PCTP: variants seen among roughly 807,000 people sequenced by gnomAD.
PCTP encodes the protein phosphatidylcholine transfer protein.
PCTP carries 27 observed loss-of-function variants against 31.0 expected under a neutral mutation model. That is an observed-to-expected ratio of 0.87 (90% CI 0.64 to 1.20). The LOEUF (loss-of-function observed/expected upper bound fraction) is 1.20. Among genes scored for constraint, PCTP ranks in the 50% most tolerant of loss-of-function variants. The pLI is 0.00. For missense variants in PCTP, 287 were observed against 268.2 expected (o/e 1.07, Z -0.49); for synonymous variants, 108 against 101.2 (o/e 1.07, Z -0.40).
At chr17:55,761,329 CA>C (rs564890644) in intron 1 of PCTP, among the ~76,000 whole-genome samples, 104 of 152,106 alleles carry the variant, frequency 6.8e-4, no homozygotes, top group Admixed American at 9.8e-4. Flanking sequence ...AAAACTCCTT[CA>C]AATACAAAAT....
chr17:55,839,919 C>CAAAAAAAAAAA (rs57402824), intron 5 of PCTP, among the ~76,000 whole-genome samples: 310 of 12,486 alleles, frequency 0.025, 13 homozygotes, highest in Non-Finnish European at 0.038. Context: ...GACTCAGTCT[C>CAAAAAAAAAAA]AAAAAAAAAA....
chr17:55,837,662 A>C (rs1598024409), intron 5 of PCTP, among the ~76,000 whole-genome samples: 3 of 152,096 alleles, frequency 2.0e-5, no homozygotes, highest in Admixed American at 2.0e-4. Context: ...TCCTTTGCCA[A>C]AATTGTCTAT....
intron 3 of PCTP, among the ~76,000 whole-genome samples, chr17:55,815,637 T>G (rs1353117341): frequency 6.6e-6 from 1 of 152,194 alleles, no homozygotes; most frequent in African/African-American, 2.4e-5. Context: ...GAAGGTACAG[T>G]AACAGGCAGC....
chr17:55,785,674 A>G (rs1911724115), intron 2 of PCTP, among the ~76,000 whole-genome samples: 1 of 152,240 alleles, frequency 6.6e-6, no homozygotes, highest in South Asian at 2.1e-4. Flanking sequence ...ATCACTACCT[A>G]CATTTATATC....
At chr17:55,836,661 T>C (rs567695432) in intron 5 of PCTP, among the ~76,000 whole-genome samples, 30 of 152,340 alleles carry the variant, frequency 2.0e-4, no homozygotes, top group Admixed American at 6.5e-4. Context: ...TTTGAATATA[T>C]GTTAGCTTCA....
At chr17:55,806,847 A>G (rs1912596434) in intron 3 of PCTP, among the ~76,000 whole-genome samples, 1 of 152,174 alleles carries the variant, frequency 6.6e-6, no homozygotes, top group African/African-American at 2.4e-5. Context: ...CAGCTTCATC[A>G]TGAAAAAGAG....
intron 3 of PCTP, among the ~76,000 whole-genome samples, chr17:55,814,818 G>A (rs1478130103): frequency 6.6e-6 from 1 of 152,182 alleles, no homozygotes; most frequent in Non-Finnish European, 1.5e-5. Context: ...ACTCCTGTGT[G>A]GAACTAGCAG....
intron 3 of PCTP, among the ~76,000 whole-genome samples, chr17:55,795,050 A>G (rs1912138837): frequency 6.6e-6 from 1 of 152,176 alleles, no homozygotes; most frequent in African/African-American, 2.4e-5. Context: ...AATTCCACAC[A>G]CATACACACA....
chr17:55,817,986 A>G (rs950916919), intron 3 of PCTP, among the ~76,000 whole-genome samples: 1 of 151,948 alleles, frequency 6.6e-6, no homozygotes, highest in Non-Finnish European at 1.5e-5. Context: ...CATAGGGGAG[A>G]GGGAGAGGGA....
At chr17:55,845,887 G>GGTGTGTGTGTGTGTGTGTGTGTGTGT (rs34179575), downstream of PCTP, among the ~76,000 whole-genome samples, 38 of 143,060 alleles carry the variant, frequency 2.7e-4, no homozygotes, top group East Asian at 1.7e-3. Flanking sequence ...AGAGGGTTGG[G>GGTGTGTGTGTGTGTGTGTGTGTGTGT]GTGTGTGTGT....
At chr17:55,771,922 A>C (rs542431950) in intron 3 of PCTP, among the ~76,000 whole-genome samples, 1 of 152,150 alleles carries the variant, frequency 6.6e-6, no homozygotes, top group Non-Finnish European at 1.5e-5. Context: ...GGAGTGTTTT[A>C]CAGGTTCAAT....
At chr17:55,841,366 G>A (rs1046126713) in intron 5 of PCTP, among the ~76,000 whole-genome samples, 7 of 152,190 alleles carry the variant, frequency 4.6e-5, no homozygotes, top group African/African-American at 7.2e-5. Flanking sequence ...GTTGTGGGTC[G>A]CCATCTGGTG....
intron 5 of PCTP, among the ~76,000 whole-genome samples, chr17:55,831,939 G>C (rs1476465751): frequency 6.6e-6 from 1 of 152,126 alleles, no homozygotes; most frequent in Non-Finnish European, 1.5e-5. Context: ...AGCTGGGCGT[G>C]GTGGTGGGCA....
intron 2 of PCTP, 34 bp from the exon 3 acceptor site, chr17:55,771,072 T>G (rs765839137): frequency 6.5e-7 from 1 of 1,547,518 alleles, no homozygotes; most frequent in South Asian, 1.1e-5. Flanking sequence ...TAAAAAGGCT[T>G]CCAGATGCAT....
intron 3 of PCTP, among the ~76,000 whole-genome samples, chr17:55,819,725 C>T (rs953419461): frequency 5.9e-5 from 9 of 152,134 alleles, no homozygotes; most frequent in African/African-American, 2.2e-4. Context: ...ACTGCACTAA[C>T]AGAGTGAGAC....
downstream of PCTP, among the ~76,000 whole-genome samples, chr17:55,827,371 C>T (rs1905434204): frequency 6.6e-6 from 1 of 152,230 alleles, no homozygotes; most frequent in African/African-American, 2.4e-5. Flanking sequence ...GTTCAGCCAG[C>T]CTCCTGCCAC....
chr17:55,792,720 A>T (rs1912044474), intron 3 of PCTP, among the ~76,000 whole-genome samples: 1 of 152,116 alleles, frequency 6.6e-6, no homozygotes, highest in Admixed American at 6.6e-5. Flanking sequence ...AGCCTATGTA[A>T]GTAAGCAGTG....
chr17:55,778,287 G>A (rs928196963), downstream of PCTP, among the ~76,000 whole-genome samples: 1 of 151,296 alleles, frequency 6.6e-6, no homozygotes, highest in African/African-American at 2.4e-5. Context: ...CTCAGGGTGT[G>A]TTTTTCTGCA....
At chr17:55,818,101 G>C (rs538970948) in intron 3 of PCTP, among the ~76,000 whole-genome samples, 2 of 152,324 alleles carry the variant, frequency 1.3e-5, no homozygotes, top group South Asian at 2.1e-4. Context: ...ACGAATCCAA[G>C]GTTGGGTCTC....
Sources: allele counts gnomAD v4.1 joint callset (sites outside exome capture counted in the v4.1 genomes callset), GRCh38; gene constraint gnomAD v4.1.1; transcripts MANE v1.5; gene names NCBI Gene and HGNC (gene_info 2026-07-23, HGNC 2026-07-21).